NEDD4L: variants seen among roughly 807,000 people sequenced by gnomAD.
The protein encoded by NEDD4L is NEDD4 like E3 ubiquitin protein ligase, also known as E3 ubiquitin-protein ligase NEDD4-like.
In NEDD4L, 54 loss-of-function variants were observed where a neutral mutation model predicts 148.9. That is an observed-to-expected ratio of 0.36 (90% CI 0.29 to 0.45). NEDD4L has a LOEUF of 0.45. Ranked by LOEUF, NEDD4L falls within the 20% of genes least tolerant of loss-of-function variation. The probability of loss-of-function intolerance (pLI) is 1.00; values close to 1 mark genes in which losing one functional copy is unlikely to be tolerated. For synonymous variants in NEDD4L, 433 were observed against 440.7 expected, an observed-to-expected ratio of 0.98 and a Z score of 0.22; for missense variants, 856 against 1,233.8, an observed-to-expected ratio of 0.69 and a Z score of 4.59.
intron 1 of NEDD4L, among the ~76,000 whole-genome samples, chr18:58,135,710 A>G (rs771990351): frequency 1.1e-4 from 17 of 152,138 alleles, no homozygotes; most frequent in Non-Finnish European, 2.4e-4. Flanking sequence ...AGTTTTCTTC[A>G]TTGGTATTCC....
chr18:58,184,126 G>A (rs181380569), intron 2 of NEDD4L, among the ~76,000 whole-genome samples: 2 of 152,286 alleles, frequency 1.3e-5, no homozygotes, highest in East Asian at 1.9e-4. Context: ...CCGAGATCGC[G>A]CCCCATTACT....
chr18:58,343,207 T>C (rs2042635951), intron 16 of NEDD4L, 104 bp downstream of exon 16: 2 of 1,129,994 alleles, frequency 1.8e-6, no homozygotes, highest in Admixed American at 5.2e-5. Flanking sequence ...TTGGATTGAC[T>C]GTAAAGGGTG....
intron 19 of NEDD4L, 85 bp from the exon 20 acceptor site, chr18:58,364,183 G>T: frequency 2.5e-6 from 2 of 799,856 alleles, no homozygotes; most frequent in South Asian, 3.2e-5. Flanking sequence ...TATGACTCAT[G>T]AAATTCTCTT....
intron 3 of NEDD4L, among the ~76,000 whole-genome samples, chr18:58,248,619 A>AT (rs2047552230): frequency 6.6e-6 from 1 of 152,116 alleles, no homozygotes; most frequent in Non-Finnish European, 1.5e-5. Flanking sequence ...TCTTGAAGAA[A>AT]TTTTTTATAT....
At chr18:58,178,066 C>T (rs1458497981) in intron 2 of NEDD4L, among the ~76,000 whole-genome samples, 4 of 152,162 alleles carry the variant, frequency 2.6e-5, no homozygotes, top group Non-Finnish European at 5.9e-5. Flanking sequence ...AATACATAAA[C>T]AAAGGGGCAT....
At chr18:58,122,316 A>G (rs1303595715) in intron 1 of NEDD4L, among the ~76,000 whole-genome samples, 1 of 152,206 alleles carries the variant, frequency 6.6e-6, no homozygotes, top group African/African-American at 2.4e-5. Context: ...TCTGGCCAAC[A>G]CGGTGAAACC....
intron 1 of NEDD4L, among the ~76,000 whole-genome samples, chr18:58,048,299 A>G (rs983799071): frequency 1.3e-5 from 2 of 152,156 alleles, no homozygotes; most frequent in African/African-American, 4.8e-5. Context: ...TTAATCAACC[A>G]TTAAGGTTAA....
In NEDD4L at chr18:58,148,133, T is replaced by G. The variant is rs145294363; in HGVS notation, c.49-17655T>G. On this transcript the variant is annotated intron_variant, in intron 1 of 30. Coordinates refer to ENST00000400345, the MANE Select transcript of NEDD4L (RefSeq NM_001144967.3). ...CATAACAAAATACCCAATTGGTGACTTCAACAACAGAAATTGATTCCACAC... is the reference window on the plus strand; with the variant it reads ...CATAACAAAATACCCAATTGGTGACGTCAACAACAGAAATTGATTCCACAC... Among the ~76,000 whole-genome samples, 526 of 151,400 alleles carry G rather than the reference T, an allele frequency of 3.5e-3. 1 individual carries two copies. The highest frequency in any genetic ancestry group is 0.011 in the African/African-American group (470 of 41,114).
intron 1 of NEDD4L, among the ~76,000 whole-genome samples, chr18:58,142,040 CTTTTTTTTTT>C (rs552184742): frequency 1.4e-4 from 6 of 41,864 alleles, no homozygotes; most frequent in African/African-American, 2.5e-4. Context: ...AAATTTCTTT[CTTTTTTTTTT>C]TTTTTTTTTT....
chr18:58,337,759 C>T (rs1392297222), intron 13 of NEDD4L, among the ~76,000 whole-genome samples: 3 of 152,172 alleles, frequency 2.0e-5, no homozygotes, highest in Non-Finnish European at 2.9e-5. Context: ...CAACTCCATA[C>T]GCTGTGCTGA....
chr18:58,132,963 A>T (rs2032360590), intron 1 of NEDD4L, among the ~76,000 whole-genome samples: 1 of 152,208 alleles, frequency 6.6e-6, no homozygotes, highest in African/African-American at 2.4e-5. Flanking sequence ...TACTTAGGAG[A>T]TGAATGCTGG....
chr18:58,231,844 A>T (rs781339834), intron 2 of NEDD4L, among the ~76,000 whole-genome samples: 3 of 152,224 alleles, frequency 2.0e-5, no homozygotes, highest in Non-Finnish European at 2.9e-5. Context: ...GATCACAGGC[A>T]TGAGCCACTG....
chr18:58,131,976 C>A (rs1598998620), intron 1 of NEDD4L, among the ~76,000 whole-genome samples: 1 of 152,176 alleles, frequency 6.6e-6, no homozygotes, highest in African/African-American at 2.4e-5. Flanking sequence ...GATCAAACAT[C>A]CACTTTTTAC....
intron 1 of NEDD4L, among the ~76,000 whole-genome samples, chr18:58,162,071 C>A (rs1302330325): frequency 6.6e-6 from 1 of 152,196 alleles, no homozygotes; most frequent in Non-Finnish European, 1.5e-5. Flanking sequence ...TTTTTATATG[C>A]TGGATCTGCT....
intron 1 of NEDD4L, among the ~76,000 whole-genome samples, chr18:58,058,284 G>A (rs780019636): frequency 6.6e-5 from 10 of 152,316 alleles, no homozygotes; most frequent in African/African-American, 9.6e-5. Flanking sequence ...CTAGCCTGGC[G>A]ACAGAGCGAG....
At position 58,383,189 on chromosome 18, in the gene NEDD4L, A is replaced by C. The variant is rs377442156; in HGVS notation, c.2353-57A>C. ...TTATAGTAAGACATTGTCACTCAAT[A>C]ATAATATGCAAGATAACTTCGTGAT... On this transcript the variant is annotated intron_variant, in intron 24 of 30. Coordinates refer to ENST00000400345, the MANE Select transcript of NEDD4L (RefSeq NM_001144967.3). The C allele has an allele frequency of 9.1e-6, 8 of 880,900 alleles. No individual in the cohort carries two copies. The African/African-American group carries it at 1.3e-4, about 15-fold the overall frequency. 54.6% of individuals were successfully genotyped at this position (880,900 alleles called of 1,614,324 possible).
intron 1 of NEDD4L, among the ~76,000 whole-genome samples, chr18:58,117,860 T>C (rs1020011491): frequency 1.3e-5 from 2 of 152,202 alleles, no homozygotes; most frequent in African/African-American, 4.8e-5. Flanking sequence ...GTATAGAATG[T>C]TTCCCGTCTT....
intron 1 of NEDD4L, among the ~76,000 whole-genome samples, chr18:58,100,368 C>T (rs752853942): frequency 1.3e-5 from 2 of 152,168 alleles, no homozygotes; most frequent in African/African-American, 4.8e-5. Context: ...AATTTACTTG[C>T]CACCTGCTTG....
chr18:58,387,293 A>G (rs953578216), intron 26 of NEDD4L, 146 bp from the exon 27 acceptor site: 3 of 905,516 alleles, frequency 3.3e-6, no homozygotes, highest in Non-Finnish European at 4.8e-6. Flanking sequence ...TACTGGAACT[A>G]TAGTTACTTG....
Sources: allele counts gnomAD v4.1 joint callset (sites outside exome capture counted in the v4.1 genomes callset), GRCh38; gene constraint gnomAD v4.1.1; transcripts MANE v1.5; gene names NCBI Gene and HGNC (gene_info 2026-07-23, HGNC 2026-07-21).